DGKB: variants seen among roughly 807,000 people sequenced by gnomAD.
DGKB encodes the protein diacylglycerol kinase beta, also known as 90 kDa diacylglycerol kinase.
DGKB carries 67 observed loss-of-function variants against 114.3 expected under a neutral mutation model. The observed-to-expected ratio is 0.59, with a 90% CI of 0.48 to 0.72. The LOEUF (loss-of-function observed/expected upper bound fraction) is 0.72, where lower values mean the gene tolerates loss of function less well. Among genes scored for constraint, DGKB ranks in the 30% least tolerant of loss-of-function variants. The probability of loss-of-function intolerance (pLI) is 0.00; values close to 1 mark genes in which losing one functional copy is unlikely to be tolerated. For synonymous variants in DGKB, 398 were observed against 323.1 expected, an observed-to-expected ratio of 1.23 and a Z score of -2.49; for missense variants, 907 against 975.2, an observed-to-expected ratio of 0.93 and a Z score of 0.93.
In DGKB at chr7:14,583,176, T is replaced by G. The variant is rs752251449; in HGVS notation, c.1434-39A>C. The G allele has an allele frequency of 3.2e-5, 40 of 1,265,998 alleles. No individual in the cohort carries two copies. In the South Asian group the frequency reaches 4.7e-4, roughly 15 times the overall value. 78.4% of individuals were successfully genotyped at this position (1,265,998 alleles called of 1,614,324 possible). ...ATGTTATGGCACATGATTAATAGTT[T>G]AAAAATAAGATGTTTTCAGTTTTGT... On this transcript the variant is annotated intron_variant, in intron 17 of 25. Transcript: ENST00000402815.
At chr7:14,195,907 TTG>T (rs1784950011) in intron 23 of DGKB, among the ~76,000 whole-genome samples, 1 of 152,156 alleles carries the variant, frequency 6.6e-6, no homozygotes, top group Non-Finnish European at 1.5e-5. Context: ...TTTGAGGTTA[TTG>T]TGCATAAAAC....
chr7:14,926,444 C>A (rs1784756948), intron 1 of DGKB, among the ~76,000 whole-genome samples: 3 of 149,746 alleles, frequency 2.0e-5, no homozygotes, highest in Non-Finnish European at 4.4e-5. Flanking sequence ...TTTTTTCCAC[C>A]TTTTGGAATC....
chr7:14,698,114 T>A lies in DGKB; in HGVS notation c.572A>T (p.Asp191Val). Residue 191 changes from aspartate to valine, a missense_variant, in exon 8 of 26, where the codon GAT (aspartate) becomes GTT (valine). This residue lies in a region of DGKB where 814 missense variants were observed against 856.6 expected (regional missense o/e 0.95). Transcript: ENST00000402815. ...MMHVAEYLEW[D>V]VTELNPILHE... is the part of the protein sequence containing the mutation. ...ACCTACTGGATTAAGTTCAGTGACA[T>A]CCCACTCAAGGTATTCTGCAACATG... The A allele has an allele frequency of 6.5e-7, 1 of 1,549,326 alleles. No homozygotes were observed. Among genetic ancestry groups the A allele is most frequent in the Non-Finnish European group, 8.7e-7 (1 of 1,147,984 alleles).
At chr7:14,298,451 G>A (rs1023626135) in intron 23 of DGKB, among the ~76,000 whole-genome samples, 1 of 152,076 alleles carries the variant, frequency 6.6e-6, no homozygotes, top group Admixed American at 6.6e-5. Flanking sequence ...AACAAGCAAT[G>A]GGGAAAGGAT....
chr7:14,739,377 T>C (rs1488043714), intron 4 of DGKB, among the ~76,000 whole-genome samples: 18 of 152,158 alleles, frequency 1.2e-4, no homozygotes, highest in Admixed American at 1.2e-3. Flanking sequence ...GGGGTGGAGC[T>C]ACCAGAAATT....
intron 15 of DGKB, among the ~76,000 whole-genome samples, chr7:14,618,586 T>C (rs1474232725): frequency 6.6e-6 from 1 of 151,594 alleles, no homozygotes; most frequent in Non-Finnish European, 1.5e-5. Flanking sequence ...TTACATTTGA[T>C]CATATGTATT....
chr7:14,637,536 A>G (rs1048635452), intron 13 of DGKB, among the ~76,000 whole-genome samples: 9 of 151,008 alleles, frequency 6.0e-5, no homozygotes, highest in Non-Finnish European at 8.9e-5. Flanking sequence ...ATATGTGTGT[A>G]TATATATATA....
chr7:14,563,894 T>C (rs1044204196), intron 20 of DGKB, among the ~76,000 whole-genome samples: 1 of 152,192 alleles, frequency 6.6e-6, no homozygotes, highest in African/African-American at 2.4e-5. Flanking sequence ...GCTGTAGTTT[T>C]CCTGCTCACT....
At chr7:14,323,316 G>T (rs1808147963) in intron 23 of DGKB, among the ~76,000 whole-genome samples, 1 of 152,082 alleles carries the variant, frequency 6.6e-6, no homozygotes, top group South Asian at 2.1e-4. Context: ...TGTTGGCCGT[G>T]TTCTATTTAT....
chr7:14,768,304 G>C (rs999370984), intron 2 of DGKB, among the ~76,000 whole-genome samples: 3 of 151,894 alleles, frequency 2.0e-5, no homozygotes, highest in African/African-American at 7.2e-5. Flanking sequence ...ATTAAATGTA[G>C]TTGAAGAATT....
chr7:14,573,029 C>T (rs1476727695), intron 20 of DGKB, among the ~76,000 whole-genome samples: 1 of 151,924 alleles, frequency 6.6e-6, no homozygotes, highest in Non-Finnish European at 1.5e-5. Context: ...TTCTGATTTG[C>T]GTAATAAAAA....
intron 23 of DGKB, among the ~76,000 whole-genome samples, chr7:14,312,531 T>C (rs1456354736): frequency 6.6e-6 from 1 of 152,222 alleles, no homozygotes; most frequent in Non-Finnish European, 1.5e-5. Flanking sequence ...TTTTATTAAA[T>C]ATTTACTCTT....
At chr7:14,770,907 A>G (rs1373040625) in intron 2 of DGKB, among the ~76,000 whole-genome samples, 1 of 152,140 alleles carries the variant, frequency 6.6e-6, no homozygotes, top group Non-Finnish European at 1.5e-5. Context: ...AAGCCCACCA[A>G]GAGTTTTGCC....
chr7:14,685,109 A>T, intron 10 of DGKB, 136 bp downstream of exon 10: 1 of 487,012 alleles, frequency 2.1e-6, no homozygotes. Context: ...AAAACACACT[A>T]CAGGAAAATA....
At chr7:14,899,691 T>C (rs537923598) in intron 1 of DGKB, among the ~76,000 whole-genome samples, 1 of 152,090 alleles carries the variant, frequency 6.6e-6, no homozygotes, top group Admixed American at 6.6e-5. Context: ...GAAATTGGAA[T>C]CGTGAGTGTG....
chr7:14,596,441 G>A (rs1021801444), intron 17 of DGKB, among the ~76,000 whole-genome samples: 4 of 152,020 alleles, frequency 2.6e-5, no homozygotes, highest in Non-Finnish European at 5.9e-5. Flanking sequence ...ATGTCTTCTG[G>A]CTCTTTAAAT....
At chr7:14,616,572 T>C (rs1253617073) in intron 15 of DGKB, among the ~76,000 whole-genome samples, 1 of 151,812 alleles carries the variant, frequency 6.6e-6, no homozygotes, top group African/African-American at 2.4e-5. Context: ...AACACAACTA[T>C]GTCAAAAATT....
intron 1 of DGKB, among the ~76,000 whole-genome samples, chr7:14,966,869 C>A (rs1787185445): frequency 6.6e-6 from 1 of 152,034 alleles, no homozygotes; most frequent in Non-Finnish European, 1.5e-5. Context: ...CATATAAAAT[C>A]TACATTGCAG....
At chr7:14,173,150 T>A (rs1041452728) in intron 25 of DGKB, among the ~76,000 whole-genome samples, 3 of 152,200 alleles carry the variant, frequency 2.0e-5, no homozygotes, top group African/African-American at 7.2e-5. Flanking sequence ...CACTTAAAAA[T>A]TTATGTTGAT....
Sources: allele counts gnomAD v4.1 joint callset (sites outside exome capture counted in the v4.1 genomes callset), GRCh38; gene constraint gnomAD v4.1.1; regional missense constraint gnomAD v4.1.1; transcripts MANE v1.5; gene names NCBI Gene and HGNC (gene_info 2026-07-23, HGNC 2026-07-21).